PTPRD: variants seen among roughly 807,000 people sequenced by gnomAD.
PTPRD encodes protein tyrosine phosphatase receptor type D, also known as receptor-type tyrosine-protein phosphatase delta.
A neutral mutation model predicts 214.5 loss-of-function variants in PTPRD; 34 were observed. That is an observed-to-expected ratio of 0.16 (90% confidence interval 0.12 to 0.21). The LOEUF is 0.21. Among genes scored for constraint, PTPRD ranks in the 10% least tolerant of loss-of-function variants. The probability of loss-of-function intolerance (pLI) is 1.00; values close to 1 mark genes in which losing one functional copy is unlikely to be tolerated. For synonymous variants in PTPRD, 1,128 were observed against 845.7 expected (o/e 1.33, Z -5.79); for missense variants, 2,545 against 2,398.7 (o/e 1.06, Z -1.27).
At chr9:10,023,328 G>A (rs188624255) in intron 4 of PTPRD, among the ~76,000 whole-genome samples, 22 of 152,240 alleles carry the variant, frequency 1.4e-4, no homozygotes, top group African/African-American at 4.8e-5. Flanking sequence ...AAAGGAACCT[G>A]GGCCTCTCCA....
At chr9:9,409,840 T>C (rs942654694) in intron 8 of PTPRD, among the ~76,000 whole-genome samples, 10 of 152,142 alleles carry the variant, frequency 6.6e-5, no homozygotes, top group African/African-American at 2.4e-4. Flanking sequence ...GAAAAATGTC[T>C]AAGGTTTCTA....
intron 11 of PTPRD, among the ~76,000 whole-genome samples, chr9:8,738,905 T>C (rs2091188599): frequency 6.6e-6 from 1 of 152,222 alleles, no homozygotes; most frequent in African/African-American, 2.4e-5. Flanking sequence ...ATCATAATGA[T>C]ATTTAACCTG....
chr9:10,474,472 G>A (rs538433033), intron 2 of PTPRD, among the ~76,000 whole-genome samples: 2 of 152,172 alleles, frequency 1.3e-5, no homozygotes, highest in East Asian at 3.9e-4. Context: ...CGCTACAGGA[G>A]CACCCAGATT....
At chr9:8,931,001 A>G (rs564704319) in intron 11 of PTPRD, among the ~76,000 whole-genome samples, 12 of 152,250 alleles carry the variant, frequency 7.9e-5, no homozygotes, top group African/African-American at 2.9e-4. Context: ...TTTTGTTGCC[A>G]TTGCTTTGGG....
chr9:9,042,232 C>T (rs546853180), intron 10 of PTPRD, among the ~76,000 whole-genome samples: 18 of 152,238 alleles, frequency 1.2e-4, no homozygotes, highest in Non-Finnish European at 5.9e-5. Context: ...TTCTTACTAC[C>T]TCATACCTAA....
intron 4 of PTPRD, among the ~76,000 whole-genome samples, chr9:9,939,328 G>A (rs959489920): frequency 2.0e-5 from 3 of 152,114 alleles, no homozygotes; most frequent in Non-Finnish European, 4.4e-5. Context: ...CTCCAGTTTG[G>A]TAGACAACTG....
chr9:8,543,106 T>C (rs959048106), intron 14 of PTPRD, among the ~76,000 whole-genome samples: 4 of 152,204 alleles, frequency 2.6e-5, no homozygotes, highest in African/African-American at 7.2e-5. Context: ...CATTTTAATA[T>C]ACAACATGCC....
rs925030570 is a variant in PTPRD at position 9,315,260 on chromosome 9, C to A, written c.-203+82189G>T. 2.0e-5 allele frequency among the ~76,000 whole-genome samples: 3 copies of A among 151,896 alleles called. No individual in the cohort carries two copies. In the East Asian group the frequency reaches 5.8e-4, roughly 29 times the overall value. On this transcript the variant is annotated intron_variant, in intron 9 of 45. Coordinates refer to ENST00000381196, the MANE Select transcript of PTPRD (RefSeq NM_002839.4). Reference sequence around the variant, plus strand: ...TATATCCTTATCTGAAGTATTTTCTCGTATTTGATATACAGCTAAATTAAA... The same window carrying A: ...TATATCCTTATCTGAAGTATTTTCTAGTATTTGATATACAGCTAAATTAAA...
At chr9:8,473,605 T>C (rs1379665913) in intron 30 of PTPRD, among the ~76,000 whole-genome samples, 5 of 152,192 alleles carry the variant, frequency 3.3e-5, no homozygotes, top group African/African-American at 1.2e-4. Flanking sequence ...TCCTTCAGAA[T>C]CTTGTAAATC....
At chr9:8,998,651 A>T (rs1055375989) in intron 11 of PTPRD, among the ~76,000 whole-genome samples, 1 of 152,054 alleles carries the variant, frequency 6.6e-6, no homozygotes, top group Non-Finnish European at 1.5e-5. Flanking sequence ...ATCAACACTT[A>T]AGTCTTATTA....
At chr9:10,153,971 G>T (rs147097462) in intron 3 of PTPRD, among the ~76,000 whole-genome samples, 36 of 152,192 alleles carry the variant, frequency 2.4e-4, no homozygotes, top group Non-Finnish European at 4.6e-4. Flanking sequence ...TTTTATGATA[G>T]AATGATTTAT....
chr9:9,471,422 T>A (rs1432133500), intron 8 of PTPRD, among the ~76,000 whole-genome samples: 1 of 152,100 alleles, frequency 6.6e-6, no homozygotes, highest in Non-Finnish European at 1.5e-5. Flanking sequence ...AGAATCACAA[T>A]CCTTCAATTA....
chr9:8,778,857 T>G (rs1413465114), intron 11 of PTPRD, among the ~76,000 whole-genome samples: 1 of 152,066 alleles, frequency 6.6e-6, no homozygotes, highest in Non-Finnish European at 1.5e-5. Flanking sequence ...ATGGATTCAG[T>G]GAAGTAACAC....
chr9:10,465,552 C>A (rs148650353), intron 2 of PTPRD, among the ~76,000 whole-genome samples: 52 of 152,274 alleles, frequency 3.4e-4, no homozygotes, highest in African/African-American at 1.2e-3. Context: ...TATACCGGAA[C>A]TGAAAAATTT....
chr9:8,454,655 A>T, intron 33 of PTPRD: 3 of 1,563,680 alleles, frequency 1.9e-6, no homozygotes, highest in Non-Finnish European at 2.6e-6. Flanking sequence ...GGCCAATGGT[A>T]ACAAGGATAA....
At chr9:8,432,390 G>C (rs1438713550) in intron 35 of PTPRD, among the ~76,000 whole-genome samples, 1 of 152,190 alleles carries the variant, frequency 6.6e-6, no homozygotes, top group East Asian at 1.9e-4. Context: ...TTACAGTACA[G>C]GAAGTGTCTC....
intron 2 of PTPRD, among the ~76,000 whole-genome samples, chr9:10,372,702 T>A (rs1465223926): frequency 6.6e-6 from 1 of 151,968 alleles, no homozygotes; most frequent in East Asian, 1.9e-4. Flanking sequence ...AACTTGTAAG[T>A]TCAGTCGCTT....
chr9:8,843,274 G>A (rs1245407382), intron 11 of PTPRD, among the ~76,000 whole-genome samples: 2 of 152,228 alleles, frequency 1.3e-5, no homozygotes, highest in Admixed American at 6.5e-5. Context: ...TCTGTCATTA[G>A]GCAAAATGCA....
At chr9:10,345,520 G>A (rs940187087) in intron 2 of PTPRD, among the ~76,000 whole-genome samples, 1 of 151,606 alleles carries the variant, frequency 6.6e-6, no homozygotes, top group Non-Finnish European at 1.5e-5. Flanking sequence ...GCGGTGTTTG[G>A]TTTTCTGTTC....
Sources: gnomAD v4.1 joint callset for allele counts (sites outside exome capture counted in the v4.1 genomes callset) on GRCh38, gnomAD v4.1.1 for gene constraint, MANE v1.5 for transcripts, NCBI Gene and HGNC (gene_info 2026-07-23, HGNC 2026-07-21) for gene names.